TSPAN5: variants seen among roughly 807,000 people sequenced by gnomAD.
TSPAN5 encodes the protein tetraspanin 5.
In TSPAN5, 10 loss-of-function variants were observed where a neutral mutation model predicts 37.1. The observed-to-expected ratio is 0.27, with a 90% CI of 0.17 to 0.46. The LOEUF is 0.46. Ranked by LOEUF, TSPAN5 falls within the 20% of genes least tolerant of loss-of-function variation. The probability of loss-of-function intolerance (pLI) is 1.00; values close to 1 mark genes in which losing one functional copy is unlikely to be tolerated. For synonymous variants in TSPAN5, 110 were observed against 118.9 expected, an observed-to-expected ratio of 0.93 and a Z score of 0.48; for missense variants, 195 against 326.6, an observed-to-expected ratio of 0.60 and a Z score of 3.11.
intron 1 of TSPAN5, among the ~76,000 whole-genome samples, chr4:98,583,287 T>C (rs939307251): frequency 6.6e-6 from 1 of 152,206 alleles, no homozygotes; most frequent in East Asian, 1.9e-4. Flanking sequence ...TTTTTTTAAC[T>C]TTTAAAATGC....
intron 4 of TSPAN5, among the ~76,000 whole-genome samples, chr4:98,479,624 A>G (rs1349638146): frequency 6.6e-6 from 1 of 152,216 alleles, no homozygotes; most frequent in Non-Finnish European, 1.5e-5. Context: ...AAATGCCCTC[A>G]TCTTGCCACG....
intron 1 of TSPAN5, among the ~76,000 whole-genome samples, chr4:98,619,341 C>CCT (rs768013865): frequency 2.6e-5 from 4 of 152,124 alleles, no homozygotes; most frequent in Non-Finnish European, 5.9e-5. Flanking sequence ...CACAAGGCAG[C>CCT]CTCAGATTTA....
chr4:98,538,729 C>G (rs1754293372), intron 1 of TSPAN5, among the ~76,000 whole-genome samples: 1 of 152,174 alleles, frequency 6.6e-6, no homozygotes, highest in East Asian at 1.9e-4. Context: ...AAATATTTAT[C>G]AACATGTCCT....
At chr4:98,541,642 T>C (rs1180511191) in intron 1 of TSPAN5, among the ~76,000 whole-genome samples, 3 of 122,814 alleles carry the variant, frequency 2.4e-5, no homozygotes, top group African/African-American at 9.7e-5. Context: ...GCCACTACAC[T>C]CCAGCCTGGG....
chr4:98,608,101 G>A (rs757761101), intron 1 of TSPAN5, among the ~76,000 whole-genome samples: 105 of 152,124 alleles, frequency 6.9e-4, no homozygotes, highest in Admixed American at 2.6e-4. Context: ...AACCCTATTC[G>A]TTATAGCATA....
At chr4:98,570,077 T>C (rs1292205188) in intron 1 of TSPAN5, among the ~76,000 whole-genome samples, 1 of 152,154 alleles carries the variant, frequency 6.6e-6, no homozygotes, top group Non-Finnish European at 1.5e-5. Flanking sequence ...AACAAAACTT[T>C]TTCAGCCAAA....
intron 2 of TSPAN5, among the ~76,000 whole-genome samples, chr4:98,497,672 T>G (rs1294538193): frequency 6.6e-6 from 1 of 150,938 alleles, no homozygotes; most frequent in African/African-American, 2.4e-5. Flanking sequence ...AATACTTTCA[T>G]GAGGATCACC....
At chr4:98,567,620 A>T (rs977631998) in intron 1 of TSPAN5, among the ~76,000 whole-genome samples, 2 of 152,180 alleles carry the variant, frequency 1.3e-5, no homozygotes, top group African/African-American at 4.8e-5. Flanking sequence ...GTAATCGCAG[A>T]TGGGTCTGCC....
chr4:98,576,440 A>C (rs1180128439), intron 1 of TSPAN5, among the ~76,000 whole-genome samples: 1 of 152,200 alleles, frequency 6.6e-6, no homozygotes, highest in Non-Finnish European at 1.5e-5. Context: ...TTTGATTTAA[A>C]AAATGTCATG....
intron 1 of TSPAN5, among the ~76,000 whole-genome samples, chr4:98,579,312 C>T (rs1327077162): frequency 2.0e-5 from 3 of 152,164 alleles, no homozygotes; most frequent in Non-Finnish European, 2.9e-5. Context: ...ACAATACTCA[C>T]CCTCCACAAA....
intron 2 of TSPAN5, 121 bp from the exon 3 acceptor site, chr4:98,487,005 A>G: frequency 1.1e-6 from 1 of 904,008 alleles, no homozygotes; most frequent in Non-Finnish European, 1.7e-6. Flanking sequence ...GCATCTGATT[A>G]TCAGGTATGT....
chr4:98,477,935 C>T (rs1163699081), intron 5 of TSPAN5, among the ~76,000 whole-genome samples: 2 of 152,168 alleles, frequency 1.3e-5, no homozygotes, highest in Non-Finnish European at 2.9e-5. Context: ...GCTGGGATTA[C>T]AGGTGTGAAC....
intron 4 of TSPAN5, 65 bp from the exon 5 acceptor site, chr4:98,478,875 C>T: frequency 1.3e-6 from 2 of 1,586,586 alleles, no homozygotes; most frequent in Non-Finnish European, 8.6e-7. Context: ...TACACTCACA[C>T]CCGCCGAACG....
chr4:98,517,136 T>C (rs561029669), intron 1 of TSPAN5, among the ~76,000 whole-genome samples: 86 of 152,334 alleles, frequency 5.6e-4, no homozygotes, highest in African/African-American at 2.0e-3. Flanking sequence ...CTACAAGATA[T>C]GCAAAACAGG....
At chr4:98,579,659 G>A (rs1755325785) in intron 1 of TSPAN5, among the ~76,000 whole-genome samples, 1 of 152,214 alleles carries the variant, frequency 6.6e-6, no homozygotes, top group African/African-American at 2.4e-5. Flanking sequence ...TCAGCATTAA[G>A]GCTTTCACAC....
intron 1 of TSPAN5, among the ~76,000 whole-genome samples, chr4:98,637,012 G>T (rs932479780): frequency 1.3e-5 from 2 of 152,108 alleles, no homozygotes; most frequent in African/African-American, 2.4e-5. Context: ...TCAGGCTTAG[G>T]AACCCTCCCC....
intron 1 of TSPAN5, among the ~76,000 whole-genome samples, chr4:98,550,425 T>C (rs1173703975): frequency 1.3e-5 from 2 of 152,146 alleles, no homozygotes; most frequent in Non-Finnish European, 2.9e-5. Flanking sequence ...AAAAATAATG[T>C]TGGTAAGTTT....
chr4:98,645,403 C>A (rs192250293), intron 1 of TSPAN5, among the ~76,000 whole-genome samples: 14 of 152,258 alleles, frequency 9.2e-5, no homozygotes, highest in Admixed American at 9.2e-4. Context: ...TTCAGATGGA[C>A]TATATCTTTG....
intron 1 of TSPAN5, among the ~76,000 whole-genome samples, chr4:98,539,126 T>C (rs968042736): frequency 4.4e-5 from 6 of 136,770 alleles, no homozygotes; most frequent in Admixed American, 1.5e-4. Context: ...AAAATGCTTC[T>C]CCCCCTCACC....
Sources: gnomAD v4.1 joint callset for allele counts (sites outside exome capture counted in the v4.1 genomes callset) on GRCh38, gnomAD v4.1.1 for gene constraint, MANE v1.5 for transcripts, NCBI Gene and HGNC (gene_info 2026-07-23, HGNC 2026-07-21) for gene names.